PPARD: variants seen among roughly 807,000 people sequenced by gnomAD.
PPARD encodes the protein peroxisome proliferator activated receptor delta, also known as peroxisome proliferator-activated receptor delta.
A neutral mutation model predicts 39.5 loss-of-function variants in PPARD; 6 were observed. That is an observed-to-expected ratio of 0.15 (90% CI 0.08 to 0.30). PPARD has a LOEUF of 0.30. PPARD is among the 10% of genes least tolerant of loss of function. The pLI is 1.00. For synonymous variants in PPARD, 210 were observed against 231.3 expected, an observed-to-expected ratio of 0.91 and a Z score of 0.83; for missense variants, 397 against 596.8, an observed-to-expected ratio of 0.67 and a Z score of 3.49.
chr6:35,347,907 C>G (rs955276303), intron 2 of PPARD, among the ~76,000 whole-genome samples: 4 of 145,012 alleles, frequency 2.8e-5, no homozygotes, highest in Non-Finnish European at 4.5e-5. Context: ...CCGCACCTGG[C>G]CTTTTTTTTT....
At chr6:35,417,738 G>A (rs1485815760) in intron 3 of PPARD, among the ~76,000 whole-genome samples, 2 of 152,088 alleles carry the variant, frequency 1.3e-5, no homozygotes, top group Non-Finnish European at 2.9e-5. Flanking sequence ...CACCATGTTG[G>A]CCAGGATGGT....
In PPARD at chr6:35,382,863, A is replaced by G. The variant is rs188522669; in HGVS notation, c.-101-28124A>G. Among the ~76,000 whole-genome samples the G allele has an allele frequency of 3.0e-3, 463 of 152,342 alleles. 5 individuals are homozygous for G. Among genetic ancestry groups the G allele is most frequent in the African/African-American group, 0.011 (442 of 41,574 alleles). On this transcript the variant is annotated intron_variant, in intron 2 of 7. Coordinates refer to ENST00000360694, the MANE Select transcript of PPARD (RefSeq NM_006238.5). ...CAACAGGGCTGTGATGGAAATGAAG[A>G]GACACATGGGAAGCATTCAGTATGT...
At chr6:35,359,615 TC>T (rs1410111055) in intron 2 of PPARD, among the ~76,000 whole-genome samples, 3 of 152,088 alleles carry the variant, frequency 2.0e-5, no homozygotes, top group African/African-American at 7.2e-5. Context: ...CCTCTTGGTC[TC>T]CCCAGTGGGA....
chr6:35,408,884 A>G (rs1765238319), intron 2 of PPARD, among the ~76,000 whole-genome samples: 1 of 152,218 alleles, frequency 6.6e-6, no homozygotes, highest in Admixed American at 6.5e-5. Flanking sequence ...CACTGGTACA[A>G]TACTATTAAC....
chr6:35,348,684 C>G, intron 2 of PPARD: 1 of 984,978 alleles, frequency 1.0e-6, no homozygotes, highest in Non-Finnish European at 1.2e-6. Flanking sequence ...CCCTGTGTCT[C>G]TCTGTCTGTG....
At chr6:35,407,909 A>G (rs144648973) in intron 2 of PPARD, among the ~76,000 whole-genome samples, 8 of 151,554 alleles carry the variant, frequency 5.3e-5, no homozygotes, top group African/African-American at 1.9e-4. Flanking sequence ...ACCCCACTCT[A>G]CTCTTGAGCT....
intron 4 of PPARD, among the ~76,000 whole-genome samples, chr6:35,421,410 T>C (rs1004456241): frequency 6.6e-6 from 1 of 152,096 alleles, no homozygotes; most frequent in African/African-American, 2.4e-5. Flanking sequence ...CGATCTTGGC[T>C]GACTGCAACC....
chr6:35,413,408 G>C (rs1290145750), intron 3 of PPARD, among the ~76,000 whole-genome samples: 2 of 152,156 alleles, frequency 1.3e-5, no homozygotes, highest in Non-Finnish European at 2.9e-5. Context: ...AGGAGAGAGG[G>C]TTACTTGACA....
At chr6:35,377,160 CA>C (rs1203545884) in intron 2 of PPARD, among the ~76,000 whole-genome samples, 1 of 152,196 alleles carries the variant, frequency 6.6e-6, no homozygotes, top group Non-Finnish European at 1.5e-5. Flanking sequence ...AAGCCACAGG[CA>C]GGCTTTAAAC....
At chr6:35,417,198 C>T (rs1055451054) in intron 3 of PPARD, among the ~76,000 whole-genome samples, 39 of 151,974 alleles carry the variant, frequency 2.6e-4, no homozygotes, top group African/African-American at 8.9e-4. Flanking sequence ...GAGACAGGGT[C>T]TCACTATGTT....
At chr6:35,347,006 T>C in intron 1 of PPARD, 61 bp from the exon 2 acceptor site, 1 of 1,053,412 alleles carries the variant, frequency 9.5e-7, no homozygotes, top group South Asian at 1.5e-5. Flanking sequence ...CTTATTAGAG[T>C]TGCTTTGAGG....
chr6:35,349,409 G>A (rs921068549), intron 2 of PPARD, among the ~76,000 whole-genome samples: 1 of 152,106 alleles, frequency 6.6e-6, no homozygotes, highest in Non-Finnish European at 1.5e-5. Context: ...GGCCACATTG[G>A]AAGAAGAATT....
intron 2 of PPARD, among the ~76,000 whole-genome samples, chr6:35,380,459 G>GTTTTTTTTTTGTTTTTTTTTT (rs1763068630): frequency 1.0e-5 from 1 of 97,114 alleles, no homozygotes. Context: ...TTAACCTCGT[G>GTTTTTTTTTTGTTTTTTTTTT]TTTTTTTTTT....
Position 35,424,028 on chromosome 6 carries a change from C to T in PPARD, c.507C>T (p.Asn169=). The T allele has an allele frequency of 6.2e-7, 1 of 1,614,204 alleles. No homozygotes were observed. The stretch of plus-strand genomic sequence containing the variant: ...CTGCAAACGAGGGGAGCCAGTACAA[C>T]CCACAGGTGGCCGACCTGAAGGCCT... ...GLTANEGSQY[N]PQVADLKAFS... Residue 169 remains asparagine (N), a synonymous_variant, in exon 6 of 8, where the codon AAC becomes AAT. Coordinates refer to ENST00000360694, the MANE Select transcript of PPARD (RefSeq NM_006238.5). This position sits in a 1 kb window ranked among gnomAD's most constrained non-coding sequence, Gnocchi z 7.1.
intron 2 of PPARD, among the ~76,000 whole-genome samples, chr6:35,402,717 G>A (rs533138931): frequency 1.3e-5 from 2 of 152,278 alleles, no homozygotes; most frequent in South Asian, 4.1e-4. Flanking sequence ...AAGGCCACCC[G>A]GGCTTCTCCT....
At chr6:35,382,234 G>A (rs1763194047) in intron 2 of PPARD, among the ~76,000 whole-genome samples, 1 of 152,218 alleles carries the variant, frequency 6.6e-6, no homozygotes, top group African/African-American at 2.4e-5. Context: ...TTAGAGGCCT[G>A]TGGCAGGAGA....
chr6:35,382,758 G>A (rs904833045), intron 2 of PPARD, among the ~76,000 whole-genome samples: 6 of 152,116 alleles, frequency 3.9e-5, no homozygotes, highest in African/African-American at 1.4e-4. Flanking sequence ...TCCTTATGAG[G>A]TTGTACTGTG....
chr6:35,385,049 C>T (rs576457346), intron 2 of PPARD, among the ~76,000 whole-genome samples: 6,665 of 142,750 alleles, frequency 0.047, 654 homozygotes, highest in African/African-American at 0.17. Flanking sequence ...CCGCCCCGTC[C>T]GGGAGGTGAC....
rs984025525 is a variant in PPARD, at chr6:35,412,939, G to A, written c.130+1722G>A. On this transcript the variant is annotated intron_variant, in intron 3 of 7. Transcript: ENST00000360694. This position sits in a 1 kb window ranked among gnomAD's most constrained non-coding sequence, Gnocchi z 4.1. Reference sequence around the variant, plus strand: ...AAGGTAGGGAGGGTTAGAAAGCAAAGGGAAGACAGTGGGGACTAAGAATGA... The same window carrying A: ...AAGGTAGGGAGGGTTAGAAAGCAAAAGGAAGACAGTGGGGACTAAGAATGA... Among the ~76,000 whole-genome samples the A allele has an allele frequency of 1.3e-5, 2 of 152,192 alleles. No homozygotes were observed. The highest frequency in any genetic ancestry group is 4.8e-5 in the African/African-American group (2 of 41,444).
Sources: allele counts gnomAD v4.1 joint callset (sites outside exome capture counted in the v4.1 genomes callset), GRCh38; gene constraint gnomAD v4.1.1; non-coding constraint Gnocchi (gnomAD v3.1); transcripts MANE v1.5; gene names NCBI Gene and HGNC (gene_info 2026-07-23, HGNC 2026-07-21).